The following TFDP2 variants were observed in gnomAD, a reference collection of about 807,000 sequenced individuals.
TFDP2 encodes transcription factor Dp-2.
In TFDP2, 17 loss-of-function variants were observed where a neutral mutation model predicts 59.3. The ratio of observed to expected loss-of-function variants is 0.29; its 90% CI spans 0.20 to 0.43. The LOEUF (loss-of-function observed/expected upper bound fraction) is 0.43, where lower values mean the gene tolerates loss of function less well. Among genes scored for constraint, TFDP2 ranks in the 20% least tolerant of loss-of-function variants. The pLI is 1.00. For missense variants in TFDP2, 391 were observed against 528.8 expected (o/e 0.74, Z 2.56); for synonymous variants, 180 against 194.7 (o/e 0.92, Z 0.63).
chr3:142,063,976 CAG>C (rs1267657266), intron 3 of TFDP2, among the ~76,000 whole-genome samples: 2 of 152,094 alleles, frequency 1.3e-5, no homozygotes, highest in African/African-American at 4.8e-5. Context: ...TGTTTTGAGA[CAG>C]AGTCTTACTC....
intron 6 of TFDP2, among the ~76,000 whole-genome samples, chr3:141,991,133 CTTTGAAG>C (rs909376933): frequency 2.0e-5 from 3 of 152,166 alleles, no homozygotes; most frequent in African/African-American, 7.2e-5. Context: ...TGATTATTTC[CTTTGAAG>C]TTTCAAAAGA....
rs569690725 is a variant in TFDP2 at position 142,126,926 on chromosome 3, A to T, written c.-93+22257T>A. On this transcript the variant is annotated intron_variant, in intron 1 of 12. Coordinates refer to ENST00000489671, the MANE Select transcript of TFDP2 (RefSeq NM_001178139.2). ...TTGCCGCTGCACTCCAGTCTGGGTGACAGAGTGAGACCTTGTCTCAAAAAA... is the reference window on the plus strand; with the variant it reads ...TTGCCGCTGCACTCCAGTCTGGGTGTCAGAGTGAGACCTTGTCTCAAAAAA... 2.4e-5 allele frequency among the ~76,000 whole-genome samples: 3 copies of T among 126,152 alleles called. No individual in the cohort carries two copies. In the South Asian group the frequency reaches 7.1e-4, roughly 30 times the overall value. 82.8% of individuals were successfully genotyped at this position (126,152 alleles called of 152,430 possible).
At chr3:142,083,223 C>T (rs1186299857) in intron 3 of TFDP2, among the ~76,000 whole-genome samples, 1 of 151,928 alleles carries the variant, frequency 6.6e-6, no homozygotes, top group Non-Finnish European at 1.5e-5. Context: ...CAACAGTGAA[C>T]AATCTGAAAA....
chr3:142,025,257 T>C (rs1157281753), intron 3 of TFDP2, among the ~76,000 whole-genome samples: 1 of 152,188 alleles, frequency 6.6e-6, no homozygotes, highest in Non-Finnish European at 1.5e-5. Context: ...CTCTCTATGT[T>C]CTATACTCCA....
At chr3:142,124,617 G>A (rs1413612924) in intron 1 of TFDP2, among the ~76,000 whole-genome samples, 5 of 152,032 alleles carry the variant, frequency 3.3e-5, no homozygotes, top group African/African-American at 7.2e-5. Context: ...AAGAAAACAC[G>A]GAAGTTAAAT....
In TFDP2 at chr3:141,949,100, A is replaced by T. The variant is rs978369117; in HGVS notation, c.*3413T>A. On this transcript the variant is annotated 3_prime_UTR_variant, in exon 13 of 13. Transcript: ENST00000489671. ...CAAAAAAAAAAAAAAAAAAAAAAAA[A>T]ATTTCCATTTGAATTCTGATAGGAG... 3 of 130,454 alleles carry T rather than the reference A, an allele frequency of 2.3e-5. No homozygotes were observed. The East Asian group carries it at 7.3e-4, about 32-fold the overall frequency. The allele number at this position is 130,454 out of a possible 1,614,324, so 8.1% of individuals were successfully genotyped here.
At chr3:141,997,167 G>C (rs1455437997) in intron 4 of TFDP2, among the ~76,000 whole-genome samples, 3 of 152,170 alleles carry the variant, frequency 2.0e-5, no homozygotes, top group Non-Finnish European at 4.4e-5. Flanking sequence ...GTTTAACACA[G>C]TGGTAGGGGA....
intron 3 of TFDP2, among the ~76,000 whole-genome samples, chr3:142,079,359 A>G (rs902601195): frequency 1.3e-5 from 2 of 152,120 alleles, no homozygotes; most frequent in African/African-American, 4.8e-5. Flanking sequence ...AAGAATAAAA[A>G]AGAATGAAGC....
At chr3:142,075,734 G>GAAAAAA (rs530375441) in intron 3 of TFDP2, among the ~76,000 whole-genome samples, 1 of 45,536 alleles carries the variant, frequency 2.2e-5, no homozygotes, top group Non-Finnish European at 4.0e-5. Flanking sequence ...TGTCTCTACA[G>GAAAAAA]AAAAAAAAAA....
chr3:142,117,309 T>C (rs1560162798), intron 1 of TFDP2, among the ~76,000 whole-genome samples: 1 of 150,214 alleles, frequency 6.7e-6, no homozygotes, highest in East Asian at 2.0e-4. Context: ...TGAACAAACA[T>C]AAAATAAACC....
At chr3:142,130,682 G>C (rs2062467765) in intron 1 of TFDP2, among the ~76,000 whole-genome samples, 1 of 152,038 alleles carries the variant, frequency 6.6e-6, no homozygotes, top group African/African-American at 2.4e-5. Context: ...CAAGATGCAA[G>C]TTCTGAAGAT....
At chr3:142,040,114 AACAC>A (rs61576382) in intron 3 of TFDP2, among the ~76,000 whole-genome samples, 104 of 150,152 alleles carry the variant, frequency 6.9e-4, no homozygotes, top group African/African-American at 2.1e-3. Flanking sequence ...CACAAAATAA[AACAC>A]ACACACACAC....
intron 3 of TFDP2, among the ~76,000 whole-genome samples, chr3:142,062,911 T>C (rs983468627): frequency 9.2e-5 from 14 of 152,166 alleles, no homozygotes; most frequent in Non-Finnish European, 1.9e-4. Flanking sequence ...TACATTTATA[T>C]AAAGTACAAA....
chr3:141,997,774 C>T (rs567376803), intron 4 of TFDP2, among the ~76,000 whole-genome samples: 8 of 145,184 alleles, frequency 5.5e-5, no homozygotes, highest in African/African-American at 2.0e-4. Flanking sequence ...CACTTGAACC[C>T]AGGAGGCAGA....
At chr3:141,992,955 C>T (rs1391690718) in intron 6 of TFDP2, among the ~76,000 whole-genome samples, 2 of 152,160 alleles carry the variant, frequency 1.3e-5, no homozygotes, top group African/African-American at 4.8e-5. Context: ...AGCCACTGTC[C>T]TAATATTCTA....
intron 4 of TFDP2, among the ~76,000 whole-genome samples, chr3:142,002,141 C>A (rs1362316550): frequency 1.3e-5 from 2 of 151,622 alleles, no homozygotes; most frequent in Non-Finnish European, 2.9e-5. Context: ...ATTACAGGCA[C>A]CCGCCACCAT....
intron 3 of TFDP2, among the ~76,000 whole-genome samples, chr3:142,011,431 G>A (rs1331987598): frequency 8.0e-6 from 1 of 125,300 alleles, no homozygotes; most frequent in African/African-American, 3.0e-5. Context: ...CATACTCTGG[G>A]GACTGTGGTG....
At chr3:141,979,596 T>G (rs554719655) in intron 6 of TFDP2, among the ~76,000 whole-genome samples, 2 of 152,168 alleles carry the variant, frequency 1.3e-5, no homozygotes, top group Non-Finnish European at 2.9e-5. Flanking sequence ...GTGTCTCAGT[T>G]TCCTTTTTTG....
chr3:141,984,991 G>A lies in TFDP2; in HGVS notation c.357-6309C>T, dbSNP rs190182011. ...CCCCATAGGCAACGTGCCCAGAGTAGCCTGTTCTTCATTCTTTAAGTTACT... is the reference window on the plus strand; with the variant it reads ...CCCCATAGGCAACGTGCCCAGAGTAACCTGTTCTTCATTCTTTAAGTTACT... On this transcript the variant is annotated intron_variant, in intron 6 of 12. Transcript: ENST00000489671. Among the ~76,000 whole-genome samples the A allele has an allele frequency of 8.2e-4, 124 of 151,910 alleles. 1 individual carries two copies. Among genetic ancestry groups the A allele is most frequent in the African/African-American group, 2.9e-3 (120 of 41,438 alleles).
Sources: allele counts gnomAD v4.1 joint callset (sites outside exome capture counted in the v4.1 genomes callset), GRCh38; gene constraint gnomAD v4.1.1; transcripts MANE v1.5; gene names NCBI Gene and HGNC (gene_info 2026-07-23, HGNC 2026-07-21).